The following ADAM12 variants were observed in gnomAD, a reference collection of about 807,000 sequenced individuals.
ADAM12 encodes the protein disintegrin and metalloproteinase domain-containing protein 12.
A neutral mutation model predicts 106.4 loss-of-function variants in ADAM12; 70 were observed. The observed-to-expected ratio is 0.66, with a 90% CI of 0.54 to 0.80. ADAM12 has a LOEUF of 0.80. Among genes scored for constraint, ADAM12 ranks in the 30% least tolerant of loss-of-function variants. The probability of loss-of-function intolerance (pLI) is 0.00; values close to 1 mark genes in which losing one functional copy is unlikely to be tolerated. For synonymous variants in ADAM12, 420 were observed against 433.5 expected, an observed-to-expected ratio of 0.97 and a Z score of 0.39; for missense variants, 1,010 against 1,171.9, an observed-to-expected ratio of 0.86 and a Z score of 2.02.
chr10:126,138,433 G>A (rs1368311284), intron 4 of ADAM12, among the ~76,000 whole-genome samples: 1 of 152,030 alleles, frequency 6.6e-6, no homozygotes, highest in African/African-American at 2.4e-5. Flanking sequence ...GGAGTGCAGT[G>A]GCACGATCTC....
At chr10:126,062,166 CTG>C (rs1295505261) in intron 14 of ADAM12, among the ~76,000 whole-genome samples, 1 of 152,214 alleles carries the variant, frequency 6.6e-6, no homozygotes, top group African/African-American at 2.4e-5. Flanking sequence ...AGCCTGGTCT[CTG>C]TGCTGTGGCT....
chr10:126,046,177 A>C, intron 16 of ADAM12, 45 bp from the exon 17 acceptor site: 3 of 1,562,780 alleles, frequency 1.9e-6, no homozygotes, highest in Non-Finnish European at 2.6e-6. Flanking sequence ...TATTTCTCCA[A>C]CCCCTCCAGC....
intron 3 of ADAM12, among the ~76,000 whole-genome samples, chr10:126,199,134 C>T (rs1957651096): frequency 6.6e-6 from 1 of 152,110 alleles, no homozygotes; most frequent in Non-Finnish European, 1.5e-5. Flanking sequence ...ACCTGCTTAC[C>T]AGGTTGAAGA....
intron 3 of ADAM12, among the ~76,000 whole-genome samples, chr10:126,250,967 T>C (rs1282966634): frequency 1.3e-5 from 2 of 152,386 alleles, no homozygotes; most frequent in East Asian, 3.8e-4. Flanking sequence ...TCAGCTCTTA[T>C]GATGTACTAG....
rs529641783 is a variant in ADAM12 at position 126,187,409 on chromosome 10, C to T, written c.261-32104G>A. Among the ~76,000 whole-genome samples, 4 of 152,234 alleles carry T rather than the reference C, an allele frequency of 2.6e-5. No individual in the cohort carries two copies. The East Asian group carries it at 7.7e-4, about 29-fold the overall frequency. On this transcript the variant is annotated intron_variant, in intron 3 of 22. Transcript: ENST00000448723. ...GGGCATTTCAGTAAATGATTTCAACCTTCCTTCTAGCTTCTTCTTAAAGCC... is the reference window on the plus strand; with the variant it reads ...GGGCATTTCAGTAAATGATTTCAACTTTCCTTCTAGCTTCTTCTTAAAGCC...
chr10:126,029,934 C>G (rs1042381666), intron 21 of ADAM12, among the ~76,000 whole-genome samples: 5 of 152,200 alleles, frequency 3.3e-5, no homozygotes, highest in Non-Finnish European at 7.3e-5. Flanking sequence ...GGCAGCTTCA[C>G]TCAGTCTATC....
intron 3 of ADAM12, among the ~76,000 whole-genome samples, chr10:126,203,939 CGTGTGTGTGTGT>C (rs56035821): frequency 6.7e-6 from 1 of 150,162 alleles, no homozygotes; most frequent in Non-Finnish European, 1.5e-5. Flanking sequence ...CGCGCGCGCG[CGTGTGTGTGTGT>C]GTGTGTGTGT....
At chr10:126,113,690 ATATATATATATAT>A (rs1565067621) in intron 6 of ADAM12, among the ~76,000 whole-genome samples, 444 of 13,892 alleles carry the variant, frequency 0.032, 42 homozygotes, top group Non-Finnish European at 0.041. Context: ...AAAAAAAAAT[ATATATATATATAT>A]ATATATATAT....
At chr10:126,052,717 C>T (rs1710288) in intron 14 of ADAM12, among the ~76,000 whole-genome samples, 15 of 151,986 alleles carry the variant, frequency 9.9e-5, no homozygotes, top group African/African-American at 3.4e-4. Context: ...GGATTGAAGA[C>T]GCTGCAAATG....
In ADAM12 at chr10:126,049,220, C is replaced by G. The variant is rs780775836; in HGVS notation, c.1917+33G>C. 7.4e-6 allele frequency: 12 copies of G among 1,611,566 alleles called. No individual in the cohort carries two copies. The African/African-American group carries it at 1.2e-4, about 16-fold the overall frequency. On this transcript the variant is annotated intron_variant, in intron 16 of 22. Transcript: ENST00000448723. This position sits in a 1 kb window ranked among gnomAD's most constrained non-coding sequence, Gnocchi z 4.4. ...TTCAATGGGCCCTGTTCCAGACTTA[C>G]ATTTATGATCCAAGCAAACATTTGG...
intron 11 of ADAM12, among the ~76,000 whole-genome samples, chr10:126,074,322 G>A (rs1481594800): frequency 2.6e-5 from 4 of 152,154 alleles, no homozygotes; most frequent in African/African-American, 4.8e-5. Context: ...GAGAACGTCC[G>A]TAGACCCCAG....
intron 22 of ADAM12, among the ~76,000 whole-genome samples, chr10:126,018,593 T>C (rs1374419148): frequency 6.6e-6 from 1 of 152,226 alleles, no homozygotes; most frequent in East Asian, 1.9e-4. Flanking sequence ...TTGTTTCTAA[T>C]ATAAAATATC....
intron 3 of ADAM12, among the ~76,000 whole-genome samples, chr10:126,270,508 A>G (rs1032924386): frequency 1.3e-5 from 2 of 152,368 alleles, no homozygotes; most frequent in East Asian, 3.9e-4. Flanking sequence ...GCAAGGAACT[A>G]AAATTTCAAT....
chr10:126,306,477 C>T (rs902441299), intron 2 of ADAM12, among the ~76,000 whole-genome samples: 1 of 152,088 alleles, frequency 6.6e-6, no homozygotes. Flanking sequence ...TTCTTATGCT[C>T]TTTCTATAGT....
intron 1 of ADAM12, among the ~76,000 whole-genome samples, chr10:126,356,498 T>C (rs890378377): frequency 6.6e-6 from 1 of 152,180 alleles, no homozygotes; most frequent in East Asian, 1.9e-4. Flanking sequence ...TAAAGGTGTA[T>C]TTCTGCCAAA....
At chr10:126,107,625 A>C (rs1955797300) in intron 8 of ADAM12, among the ~76,000 whole-genome samples, 1 of 152,228 alleles carries the variant, frequency 6.6e-6, no homozygotes, top group African/African-American at 2.4e-5. Flanking sequence ...AGCCATGACC[A>C]GATCCCTTCT....
intron 11 of ADAM12, among the ~76,000 whole-genome samples, chr10:126,087,586 C>G (rs532006545): frequency 6.6e-6 from 1 of 152,254 alleles, no homozygotes; most frequent in East Asian, 1.9e-4. Flanking sequence ...AATTATCACT[C>G]TCAAATGAAG....
intron 11 of ADAM12, among the ~76,000 whole-genome samples, chr10:126,087,308 C>T (rs1278363): frequency 0.7 from 106,173 of 152,052 alleles, 37,547 homozygotes; most frequent in East Asian, 0.82. Flanking sequence ...GAACAGGCTG[C>T]ATATTGATGC....
At chr10:126,290,034 C>G (rs1422562916) in intron 2 of ADAM12, among the ~76,000 whole-genome samples, 1 of 152,138 alleles carries the variant, frequency 6.6e-6, no homozygotes, top group Non-Finnish European at 1.5e-5. Flanking sequence ...AATGTAATCA[C>G]AAGCGTTCCT....
Sources: gnomAD v4.1 joint callset for allele counts (sites outside exome capture counted in the v4.1 genomes callset) on GRCh38, gnomAD v4.1.1 for gene constraint, Gnocchi (gnomAD v3.1) non-coding constraint, MANE v1.5 for transcripts, NCBI Gene and HGNC (gene_info 2026-07-23, HGNC 2026-07-21) for gene names.